ANO5: variants seen among roughly 807,000 people sequenced by gnomAD.
ANO5 encodes the protein anoctamin-5.
In ANO5, 109 loss-of-function variants were observed where a neutral mutation model predicts 121.0. The ratio of observed to expected loss-of-function variants is 0.90; its 90% confidence interval spans 0.77 to 1.06. The LOEUF (loss-of-function observed/expected upper bound fraction) is 1.06, where lower values mean the gene tolerates loss of function less well. Among genes scored for constraint, ANO5 ranks in the 50% least tolerant of loss-of-function variants. The pLI, the probability that ANO5 is intolerant of heterozygous loss-of-function variation, is 0.00. For missense variants in ANO5, 1,064 were observed against 1,078.5 expected (o/e 0.99, Z 0.19); for synonymous variants, 406 against 359.9 (o/e 1.13, Z -1.45).
At chr11:22,267,195 C>T (rs1854396103) in intron 17 of ANO5, among the ~76,000 whole-genome samples, 2 of 152,114 alleles carry the variant, frequency 1.3e-5, no homozygotes, top group South Asian at 4.1e-4. Context: ...CACACACATA[C>T]ACAAAGATAT....
At chr11:22,205,686 T>G (rs558002385) in intron 2 of ANO5, among the ~76,000 whole-genome samples, 4 of 151,936 alleles carry the variant, frequency 2.6e-5, no homozygotes, top group African/African-American at 9.7e-5. Flanking sequence ...CCAAAAGCTG[T>G]GGAAAGATAC....
At position 22,227,292 on chromosome 11, in the gene ANO5, T is replaced by G; in HGVS notation, c.364-10T>G. 6.2e-7 allele frequency: 1 copy of G among 1,613,296 alleles called. No homozygotes were observed. Among genetic ancestry groups the G allele is most frequent in the African/African-American group, 1.3e-5 (1 of 74,960 alleles). The stretch of plus-strand genomic sequence containing the variant: ...AAGCTTTCTGCTGTTTTGCCTTTTT[T>G]TTAATGCAGGACTCGGAAGATGGAA... On this transcript the variant is annotated splice_polypyrimidine_tract_variant and intron_variant, in intron 6 of 21. Coordinates refer to ENST00000324559, the MANE Select transcript of ANO5 (RefSeq NM_213599.3).
intron 18 of ANO5, among the ~76,000 whole-genome samples, 200 bp downstream of exon 18, chr11:22,270,642 A>C (rs1202748844): frequency 6.6e-6 from 1 of 152,238 alleles, no homozygotes; most frequent in Non-Finnish European, 1.5e-5. Context: ...AATAAAGTTT[A>C]GCTTCAAAAC....
At chr11:22,211,413 A>T in intron 3 of ANO5, 99 bp downstream of exon 3, 1 of 1,331,108 alleles carries the variant, frequency 7.5e-7, no homozygotes, top group Admixed American at 1.7e-5. Flanking sequence ...CAGTTATTTG[A>T]CATGCTCTCA....
chr11:22,253,779 A>G (rs1369788893), intron 12 of ANO5, among the ~76,000 whole-genome samples: 2 of 152,192 alleles, frequency 1.3e-5, no homozygotes, highest in Non-Finnish European at 2.9e-5. Flanking sequence ...GTGCATTGTA[A>G]ATGCTGAGGG....
In ANO5 at chr11:22,262,999, G is replaced by A. The variant is rs1422717390; in HGVS notation, c.1854G>A (p.Met618Ile). Residue 618 changes from methionine (M) to isoleucine (I), a missense_variant, in exon 17 of 22, where the codon ATG (methionine) becomes ATA (isoleucine). Met to Ile is a conservative substitution (Grantham distance 10, BLOSUM62 1). Transcript: ENST00000324559. ...TGACAACCCAATTGACCATTATAAT[G>A]ACCGGGAAACAGATTTTTGGAAACA... ...IELTTQLTII[M>I]TGKQIFGNIK... 11 of 1,613,614 alleles carry A rather than the reference G, an allele frequency of 6.8e-6. No homozygotes were observed. The highest frequency in any genetic ancestry group is 9.3e-6 in the Non-Finnish European group (11 of 1,179,774).
At chr11:22,263,864 C>T (rs1854274477) in intron 17 of ANO5, among the ~76,000 whole-genome samples, 1 of 152,018 alleles carries the variant, frequency 6.6e-6, no homozygotes, top group Non-Finnish European at 1.5e-5. Flanking sequence ...CACCTTCCCA[C>T]CTCCAATATA....
intron 4 of ANO5, among the ~76,000 whole-genome samples, chr11:22,218,489 T>C (rs1482105673): frequency 6.6e-6 from 1 of 152,078 alleles, no homozygotes; most frequent in Non-Finnish European, 1.5e-5. Flanking sequence ...CTAAAATGTA[T>C]GCACATTCTC....
chr11:22,218,197 A>T, intron 3 of ANO5, 49 bp from the exon 4 acceptor site: 1 of 1,605,464 alleles, frequency 6.2e-7, no homozygotes, highest in Non-Finnish European at 8.5e-7. Context: ...TGGAATCTTT[A>T]CTGTAATTCT....
intron 17 of ANO5, among the ~76,000 whole-genome samples, chr11:22,266,010 A>G (rs759762009): frequency 2.6e-5 from 4 of 152,238 alleles, no homozygotes; most frequent in African/African-American, 7.2e-5. Flanking sequence ...ATGAAAGAGT[A>G]GTCTTTTTCG....
At chr11:22,267,104 C>T (rs78435534) in intron 17 of ANO5, among the ~76,000 whole-genome samples, 2,060 of 152,082 alleles carry the variant, frequency 0.014, 47 homozygotes, top group African/African-American at 0.047. Flanking sequence ...TTTACTATAT[C>T]GGTTAAAGTT....
chr11:22,227,417 G>C lies in ANO5; in HGVS notation c.479G>C (p.Arg160Pro). Residue 160 changes from arginine to proline, a missense_variant, in exon 7 of 22, where the codon CGC becomes CCC. Transcript: ENST00000324559. ...CCTATTAAGGAGAGTGATATTCCCCGCCCTAAGCACACTCCTATAAGCTAT... is the reference window on the plus strand; with the variant it reads ...CCTATTAAGGAGAGTGATATTCCCCCCCCTAAGCACACTCCTATAAGCTAT... Reference protein sequence around the residue: ...KMPIKESDIPRPKHTPISYVL... With the variant: ...KMPIKESDIPPPKHTPISYVL... The C allele has an allele frequency of 6.2e-7, 1 of 1,613,380 alleles. No individual in the cohort carries two copies. The highest frequency in any genetic ancestry group is 2.2e-5 in the East Asian group (1 of 44,820).
intron 13 of ANO5, among the ~76,000 whole-genome samples, chr11:22,255,861 T>A (rs887003978): frequency 7.9e-5 from 12 of 152,236 alleles, no homozygotes; most frequent in African/African-American, 2.6e-4. Flanking sequence ...TGGAAACAAA[T>A]CCAAGGCATA....
chr11:22,222,035 C>T (rs1467146886), intron 5 of ANO5, among the ~76,000 whole-genome samples: 2 of 151,932 alleles, frequency 1.3e-5, no homozygotes, highest in Non-Finnish European at 2.9e-5. Context: ...ACATTCCCTT[C>T]AAACCTCTTT....
Position 22,220,972 on chromosome 11 carries a change from A to G in ANO5, c.181-125A>G, listed in dbSNP as rs1293739778. Reference sequence around the variant, plus strand: ...AATTTCACTTTATAAAACAAAGCATAATCTGTTGCTGAAAACTCTGGTTAT... The same window carrying G: ...AATTTCACTTTATAAAACAAAGCATGATCTGTTGCTGAAAACTCTGGTTAT... On this transcript the variant is annotated intron_variant, in intron 4 of 21. Coordinates refer to ENST00000324559, the MANE Select transcript of ANO5 (RefSeq NM_213599.3). The G allele has an allele frequency of 1.0e-5, 7 of 698,712 alleles. No individual in the cohort carries two copies. In the East Asian group the frequency reaches 1.6e-4, roughly 16 times the overall value. 43.3% of individuals were successfully genotyped at this position (698,712 alleles called of 1,614,324 possible).
Position 22,218,219 on chromosome 11 carries a change from G to A in ANO5, c.139-27G>A, listed in dbSNP as rs764065888. 5 of 1,612,848 alleles carry A rather than the reference G, an allele frequency of 3.1e-6. No homozygotes were observed. The South Asian group carries it at 5.5e-5, about 18-fold the overall frequency. ...TTTACTGTAATTCTGGGCAGGAAGT[G>A]CTAATTCTTTATTGGTTGCTTCACA... is the stretch of plus-strand genomic sequence containing the variant. On this transcript the variant is annotated intron_variant, in intron 3 of 21. Coordinates refer to ENST00000324559, the MANE Select transcript of ANO5 (RefSeq NM_213599.3).
chr11:22,225,653 T>C (rs1238971542), intron 5 of ANO5, among the ~76,000 whole-genome samples: 1 of 152,168 alleles, frequency 6.6e-6, no homozygotes, highest in South Asian at 2.1e-4. Flanking sequence ...ATCTTTGTAA[T>C]AGTGAATCTT....
At chr11:22,272,731 C>G (rs1370569405) in intron 18 of ANO5, 53 bp from the exon 19 acceptor site, 1 of 1,533,018 alleles carries the variant, frequency 6.5e-7, no homozygotes, top group Non-Finnish European at 9.0e-7. Flanking sequence ...GCAGGGTGTT[C>G]CTGTCTTTCT....
chr11:22,229,046 G>A (rs1299932408), intron 7 of ANO5, among the ~76,000 whole-genome samples: 1 of 151,672 alleles, frequency 6.6e-6, no homozygotes, highest in East Asian at 1.9e-4. Context: ...ATTTTTTGAG[G>A]ACCGTCCATA....
Sources: allele counts gnomAD v4.1 joint callset (sites outside exome capture counted in the v4.1 genomes callset), GRCh38; gene constraint gnomAD v4.1.1; transcripts MANE v1.5; gene names NCBI Gene and HGNC (gene_info 2026-07-23, HGNC 2026-07-21).